RYR2: variants seen among roughly 807,000 people sequenced by gnomAD.
RYR2 encodes the protein cardiac muscle ryanodine receptor-calcium release channel.
A neutral mutation model predicts 601.1 loss-of-function variants in RYR2; 227 were observed. That is an observed-to-expected ratio of 0.38 (90% CI 0.34 to 0.42). The LOEUF (loss-of-function observed/expected upper bound fraction) is 0.42. Among genes scored for constraint, RYR2 ranks in the 10% least tolerant of loss-of-function variants. The pLI, the probability that RYR2 is intolerant of heterozygous loss-of-function variation, is 1.00. For synonymous variants in RYR2, 2,223 were observed against 2,175.1 expected (o/e 1.02, Z -0.61); for missense variants, 4,646 against 6,156.5 (o/e 0.75, Z 8.21).
At chr1:237,162,472 T>C (rs933855479) in intron 1 of RYR2, among the ~76,000 whole-genome samples, 2 of 152,038 alleles carry the variant, frequency 1.3e-5, no homozygotes, top group African/African-American at 2.4e-5. Flanking sequence ...CAACTTTTAA[T>C]TTCATTTCCT....
chr1:237,286,039 G>T (rs536592829), intron 2 of RYR2, among the ~76,000 whole-genome samples: 1 of 151,860 alleles, frequency 6.6e-6, no homozygotes, highest in East Asian at 1.9e-4. Flanking sequence ...TCTGATCTTG[G>T]TTATTTCTTT....
At chr1:237,509,917 C>T (rs2150536310) in intron 23 of RYR2, among the ~76,000 whole-genome samples, 1 of 152,280 alleles carries the variant, frequency 6.6e-6, no homozygotes, top group African/African-American at 2.4e-5. Context: ...TTAGCCATGA[C>T]CTTTCAGTAG....
At chr1:237,223,895 T>C (rs1215049141) in intron 1 of RYR2, among the ~76,000 whole-genome samples, 1 of 152,294 alleles carries the variant, frequency 6.6e-6, no homozygotes, top group Non-Finnish European at 1.5e-5. Context: ...AGGCAAAACT[T>C]TTTCAGGTGA....
At chr1:237,686,399 G>A (rs1686396298) in intron 62 of RYR2, among the ~76,000 whole-genome samples, 1 of 152,160 alleles carries the variant, frequency 6.6e-6, no homozygotes, top group African/African-American at 2.4e-5. Context: ...TGGACCTCTT[G>A]CAGCCTGGGT....
At chr1:237,501,997 G>A (rs1241866396) in intron 21 of RYR2, among the ~76,000 whole-genome samples, 1 of 151,954 alleles carries the variant, frequency 6.6e-6, no homozygotes, top group Non-Finnish European at 1.5e-5. Context: ...GTTTTGTTTT[G>A]TTTTGTTTCT....
intron 24 of RYR2, among the ~76,000 whole-genome samples, chr1:237,528,473 C>T (rs1480089635): frequency 6.6e-6 from 1 of 152,042 alleles, no homozygotes; most frequent in Non-Finnish European, 1.5e-5. Context: ...CTACAGAGTA[C>T]CTTAGATATG....
At chr1:237,245,025 T>C (rs1446427596) in intron 1 of RYR2, among the ~76,000 whole-genome samples, 2 of 151,794 alleles carry the variant, frequency 1.3e-5, no homozygotes, top group Non-Finnish European at 2.9e-5. Flanking sequence ...CTGAGCAATA[T>C]AGTGAGACGC....
chr1:237,678,048 A>G lies in RYR2; in HGVS notation c.8831A>G (p.Asp2944Gly). 2 of 1,595,110 alleles carry G rather than the reference A, an allele frequency of 1.3e-6. No homozygotes were observed. The highest frequency in any genetic ancestry group is 1.7e-6 in the Non-Finnish European group (2 of 1,164,106). The change falls in exon 61 of 105, where the codon GAT becomes GGT. Residue 2944 changes from aspartate (D) to glycine (G), a missense_variant and splice_region_variant. Transcript: ENST00000366574. Reference sequence around the variant, plus strand: ...ACCTAAAAACTCTTCAAATCTACAGATGGTGGCAGCAGAGGCAAAGGAGAA... The same window carrying G: ...ACCTAAAAACTCTTCAAATCTACAGGTGGTGGCAGCAGAGGCAAAGGAGAA... ...DEAHQYILEFDGGSRGKGEHF... is the reference protein window; with the variant it reads ...DEAHQYILEFGGGSRGKGEHF...
In RYR2 at chr1:237,308,679, G is replaced by A. The variant is rs574600111; in HGVS notation, c.169-22199G>A. 7.6e-4 allele frequency among the ~76,000 whole-genome samples: 116 copies of A among 152,270 alleles called. No homozygotes were observed. The Middle Eastern group carries it at 0.01, about 13-fold the overall frequency. On this transcript the variant is annotated intron_variant, in intron 2 of 104. Transcript: ENST00000366574. ...CATGAATAAAGCTGAGGACCTTAGCGGTGAGTGTTACAGCTCATAAAAGCA... is the reference window on the plus strand; with the variant it reads ...CATGAATAAAGCTGAGGACCTTAGCAGTGAGTGTTACAGCTCATAAAAGCA...
At chr1:237,366,694 ACAC>A (rs1185531951) in intron 5 of RYR2, among the ~76,000 whole-genome samples, 241 of 137,588 alleles carry the variant, frequency 1.8e-3, no homozygotes, top group African/African-American at 4.4e-3. Context: ...ACACACACAC[ACAC>A]ACACACACAC....
intron 1 of RYR2, among the ~76,000 whole-genome samples, chr1:237,147,646 T>C (rs1237854017): frequency 6.6e-6 from 1 of 152,230 alleles, no homozygotes; most frequent in Non-Finnish European, 1.5e-5. Flanking sequence ...GGTGAATACA[T>C]CATGTAAAAT....
chr1:237,054,325 T>TA, intron 1 of RYR2, among the ~76,000 whole-genome samples: 1 of 14,484 alleles, frequency 6.9e-5, no homozygotes, highest in Non-Finnish European at 1.5e-4. Flanking sequence ...CCTCCCCGCC[T>TA]CCCCCCTCCC....
rs113869391 is a variant in RYR2, at chr1:237,536,408, A to G, written c.2906+5898A>G. 2.5e-3 allele frequency among the ~76,000 whole-genome samples: 378 copies of G among 149,826 alleles called. 4 individuals are homozygous for G. Among genetic ancestry groups the G allele is most frequent in the African/African-American group, 8.9e-3 (362 of 40,674 alleles). ...AACACGGTGTAACCCCGTCTCTACT[A>G]AAAAATACAAAAAATTAGCCGGGTG... is the stretch of plus-strand genomic sequence containing the variant. On this transcript the variant is annotated intron_variant, in intron 25 of 104. Transcript: ENST00000366574.
Position 237,383,630 on chromosome 1 carries a change from C to G in RYR2, c.577-3651C>G, listed in dbSNP as rs992638521. Reference sequence around the variant, plus strand: ...ATTTTTAGTAGAGACGGGGCTTCACCGTGTTGGCCAGGATGGTCTCGATCT... The same window carrying G: ...ATTTTTAGTAGAGACGGGGCTTCACGGTGTTGGCCAGGATGGTCTCGATCT... On this transcript the variant is annotated intron_variant, in intron 8 of 104. Transcript: ENST00000366574. 5.9e-5 allele frequency among the ~76,000 whole-genome samples: 9 copies of G among 151,844 alleles called. No homozygotes were observed. The South Asian group carries it at 8.3e-4, about 14-fold the overall frequency.
intron 27 of RYR2, among the ~76,000 whole-genome samples, chr1:237,556,855 AG>A (rs1229954371): frequency 7.2e-6 from 1 of 139,016 alleles, no homozygotes; most frequent in African/African-American, 2.7e-5. Flanking sequence ...ATTCCTGTAC[AG>A]CAAACTACCC....
chr1:237,447,024 A>G (rs1334692851), intron 14 of RYR2, among the ~76,000 whole-genome samples: 2 of 152,152 alleles, frequency 1.3e-5, no homozygotes, highest in Non-Finnish European at 2.9e-5. Flanking sequence ...GATCAATCCT[A>G]TGATAGGGAT....
chr1:237,442,655 A>G (rs1358287213), intron 13 of RYR2, among the ~76,000 whole-genome samples: 2 of 152,216 alleles, frequency 1.3e-5, no homozygotes, highest in Admixed American at 1.3e-4. Context: ...CTTTTAATGT[A>G]GAACAAATTC....
intron 22 of RYR2, among the ~76,000 whole-genome samples, chr1:237,504,840 T>C (rs938950176): frequency 6.6e-6 from 1 of 151,650 alleles, no homozygotes; most frequent in African/African-American, 2.4e-5. Context: ...TGGGCTGGGG[T>C]TGAAGGTGGG....
At chr1:237,551,177 C>A (rs1351496070) in intron 27 of RYR2, among the ~76,000 whole-genome samples, 1 of 152,174 alleles carries the variant, frequency 6.6e-6, no homozygotes, top group Non-Finnish European at 1.5e-5. Context: ...ATGTGTTGAA[C>A]ACAATGGATT....
Sources: allele counts gnomAD v4.1 joint callset (sites outside exome capture counted in the v4.1 genomes callset), GRCh38; gene constraint gnomAD v4.1.1; transcripts MANE v1.5; gene names NCBI Gene and HGNC (gene_info 2026-07-23, HGNC 2026-07-21).